HIVEP1: variants seen among roughly 807,000 people sequenced by gnomAD.
HIVEP1 encodes the protein HIVEP zinc finger 1.
HIVEP1 carries 36 observed loss-of-function variants against 180.0 expected under a neutral mutation model. The ratio of observed to expected loss-of-function variants is 0.20; its 90% CI spans 0.15 to 0.26. The LOEUF (loss-of-function observed/expected upper bound fraction) is 0.26. Among genes scored for constraint, HIVEP1 ranks in the 10% least tolerant of loss-of-function variants. The pLI is 1.00. For synonymous variants in HIVEP1, 1,239 were observed against 1,239.0 expected, an observed-to-expected ratio of 1.00 and a Z score of 0.00; for missense variants, 3,143 against 3,268.7, an observed-to-expected ratio of 0.96 and a Z score of 0.94.
chr6:12,076,459 A>G (rs13198374), intron 2 of HIVEP1, among the ~76,000 whole-genome samples: 23,426 of 152,178 alleles, frequency 0.15, 2,388 homozygotes, highest in Non-Finnish European at 0.23. Context: ...ATAATTTATA[A>G]AGGAACAGAA....
intron 2 of HIVEP1, among the ~76,000 whole-genome samples, chr6:12,057,866 G>A (rs1167554433): frequency 2.0e-5 from 3 of 152,176 alleles, no homozygotes; most frequent in Non-Finnish European, 4.4e-5. Context: ...AAAATGTGAA[G>A]AATAGTGTGC....
chr6:12,149,566 T>C (rs144227521), intron 7 of HIVEP1, among the ~76,000 whole-genome samples: 1 of 152,336 alleles, frequency 6.6e-6, no homozygotes, highest in African/African-American at 2.4e-5. Context: ...CTTGGTAATA[T>C]CTCCGTCAGC....
chr6:12,195,241 G>A, the HIVEP1 span, among the ~76,000 whole-genome samples: 5 of 152,126 alleles, frequency 3.3e-5, no homozygotes, highest in African/African-American at 1.2e-4. Context: ...TGAGAGCATG[G>A]GTCTGATCTC....
chr6:12,079,958 A>ATCTG (rs1772663801), intron 2 of HIVEP1, among the ~76,000 whole-genome samples: 1 of 151,826 alleles, frequency 6.6e-6, no homozygotes, highest in Admixed American at 6.6e-5. Context: ...CTATCTATCT[A>ATCTG]TCTATCTATC....
intron 2 of HIVEP1, among the ~76,000 whole-genome samples, chr6:12,054,834 G>A (rs145309032): frequency 6.6e-6 from 1 of 152,310 alleles, no homozygotes; most frequent in East Asian, 1.9e-4. Flanking sequence ...CTAATTCAGG[G>A]TTGTGATATT....
chr6:12,042,112 G>A lies in HIVEP1; in HGVS notation c.40+26444G>A, dbSNP rs1373830983. Among the ~76,000 whole-genome samples, 23 of 136,234 alleles carry A rather than the reference G, an allele frequency of 1.7e-4. 1 individual carries two copies. The highest frequency in any genetic ancestry group is 6.0e-4 in the African/African-American group (21 of 35,246). 89.4% of individuals were successfully genotyped at this position (136,234 alleles called of 152,430 possible). ...TTTTGAGACGGAGTCTCGCTCTGTC[G>A]CCAAGGCGGGACTGCGGACTGCAGT... On this transcript the variant is annotated intron_variant, in intron 2 of 8. Transcript: ENST00000379388.
At chr6:12,015,140 A>C (rs1767655010) in intron 1 of HIVEP1, among the ~76,000 whole-genome samples, 1 of 152,206 alleles carries the variant, frequency 6.6e-6, no homozygotes, top group African/African-American at 2.4e-5. Flanking sequence ...CCTTGTATTA[A>C]CTGAGTTAAC....
At chr6:12,196,288 G>A in the HIVEP1 span, among the ~76,000 whole-genome samples, 3 of 152,206 alleles carry the variant, frequency 2.0e-5, no homozygotes, top group African/African-American at 7.2e-5. Context: ...TAGTAGAAGT[G>A]ATGTCAATGG....
chr6:12,124,703 G>A lies in HIVEP1; in HGVS notation c.4908G>A (p.Leu1636=), dbSNP rs1429779056. Residue 1636 remains leucine, a synonymous_variant, in exon 4 of 9, where the codon CTG becomes CTA. Coordinates refer to ENST00000379388, the MANE Select transcript of HIVEP1 (RefSeq NM_002114.4). ...AGAAGGTGCCATCATCATTCATGCT[G>A]CCCATACGCCTGCAGAGTAGTGTTC... ...QVQKVPSSFM[L]PIRLQSSVPA... is the part of the protein sequence containing the mutation. 2 of 1,614,004 alleles carry A rather than the reference G, an allele frequency of 1.2e-6. No individual in the cohort carries two copies. The highest frequency in any genetic ancestry group is 1.7e-6 in the Non-Finnish European group (2 of 1,179,998).
At chr6:12,011,891 C>T (rs1409215648), upstream of HIVEP1, 8 of 142,060 alleles carry the variant, frequency 5.6e-5, no homozygotes, top group East Asian at 1.7e-3. Context: ...CACGCGTCGC[C>T]GCCCGCGGCC....
At chr6:12,089,414 A>T (rs914848032) in intron 3 of HIVEP1, among the ~76,000 whole-genome samples, 177 bp downstream of exon 3, 1 of 152,140 alleles carries the variant, frequency 6.6e-6, no homozygotes, top group African/African-American at 2.4e-5. Flanking sequence ...CATTTTAGCC[A>T]CATAGCACAT....
At chr6:12,144,868 C>G (rs995895271) in intron 7 of HIVEP1, among the ~76,000 whole-genome samples, 1 of 152,142 alleles carries the variant, frequency 6.6e-6, no homozygotes, top group Non-Finnish European at 1.5e-5. Flanking sequence ...AAGTTGGAAG[C>G]AACAGATGAT....
At chr6:12,017,363 T>G (rs1411191413) in intron 2 of HIVEP1, among the ~76,000 whole-genome samples, 1 of 152,236 alleles carries the variant, frequency 6.6e-6, no homozygotes, top group Non-Finnish European at 1.5e-5. Context: ...TGGAGTTTCT[T>G]TCTTCTGGTA....
At chr6:12,171,350 C>A in the HIVEP1 span, among the ~76,000 whole-genome samples, 1 of 152,142 alleles carries the variant, frequency 6.6e-6, no homozygotes, top group Non-Finnish European at 1.5e-5. Context: ...CTACGCCCAG[C>A]CAGAAATCCA....
rs117124378 is a variant in HIVEP1, at chr6:12,048,330, T to C, written c.40+32662T>C. On this transcript the variant is annotated intron_variant, in intron 2 of 8. Coordinates refer to ENST00000379388, the MANE Select transcript of HIVEP1 (RefSeq NM_002114.4). ...TCCTTTAGATAAGGGAAAGAACATTTGCTTGAATAAAAAATTAGGGTCATA... is the reference window on the plus strand; with the variant it reads ...TCCTTTAGATAAGGGAAAGAACATTCGCTTGAATAAAAAATTAGGGTCATA... Among the ~76,000 whole-genome samples the C allele has an allele frequency of 6.6e-4, 101 of 152,320 alleles. 2 individuals are homozygous for C. In the East Asian group the frequency reaches 0.019, roughly 28 times the overall value.
intron 4 of HIVEP1, among the ~76,000 whole-genome samples, chr6:12,127,748 T>C (rs1474091053): frequency 6.6e-6 from 1 of 152,162 alleles, no homozygotes; most frequent in Admixed American, 6.5e-5. Context: ...TGAAAGAGTT[T>C]GATCATAGAG....
At chr6:12,186,581 G>A in the HIVEP1 span, among the ~76,000 whole-genome samples, 2 of 147,744 alleles carry the variant, frequency 1.4e-5, no homozygotes. Flanking sequence ...TAACCATACG[G>A]TAAATGCTAC....
At chr6:12,013,209 C>T (rs199972896) in intron 1 of HIVEP1, among the ~76,000 whole-genome samples, 1 of 16,466 alleles carries the variant, frequency 6.1e-5, no homozygotes, top group African/African-American at 1.5e-4. Flanking sequence ...CACTTCCATT[C>T]CCCCCCTCCT....
At chr6:12,011,784 G>C (rs534048491), upstream of HIVEP1, among the ~76,000 whole-genome samples, 2 of 148,146 alleles carry the variant, frequency 1.4e-5, no homozygotes, top group Non-Finnish European at 3.0e-5. Context: ...CAGAGCTGGC[G>C]GCCGCGCCGG....
Sources: gnomAD v4.1 joint callset for allele counts (sites outside exome capture counted in the v4.1 genomes callset) on GRCh38, gnomAD v4.1.1 for gene constraint, MANE v1.5 for transcripts, NCBI Gene and HGNC (gene_info 2026-07-23, HGNC 2026-07-21) for gene names.